PGM1: variants seen among roughly 807,000 people sequenced by gnomAD.
PGM1 encodes the protein phosphoglucomutase 1.
In PGM1, 52 loss-of-function variants were observed where a neutral mutation model predicts 55.6. That is an observed-to-expected ratio of 0.94 (90% CI 0.75 to 1.18). The LOEUF (loss-of-function observed/expected upper bound fraction) is 1.18, where lower values mean the gene tolerates loss of function less well. Among genes scored for constraint, PGM1 ranks in the 50% most tolerant of loss-of-function variants. The probability of loss-of-function intolerance (pLI) is 0.00; values close to 1 mark genes in which losing one functional copy is unlikely to be tolerated. For synonymous variants in PGM1, 287 were observed against 271.7 expected (o/e 1.06, Z -0.55); for missense variants, 724 against 729.3 (o/e 0.99, Z 0.08).
intron 1 of PGM1, among the ~76,000 whole-genome samples, chr1:63,629,142 G>A (rs565591940): frequency 2.0e-5 from 3 of 152,138 alleles, no homozygotes; most frequent in Non-Finnish European, 4.4e-5. Context: ...TTAATATGCT[G>A]TGTTTTCATG....
At chr1:63,638,899 G>T in intron 7 of PGM1, 99 bp downstream of exon 7, 1 of 869,982 alleles carries the variant, frequency 1.1e-6, no homozygotes, top group Non-Finnish European at 2.0e-6. Context: ...AACGGTAGCC[G>T]ATGTGTCCTA....
intron 1 of PGM1, among the ~76,000 whole-genome samples, chr1:63,604,917 CTG>C (rs60618789): frequency 0.2 from 23,258 of 118,576 alleles, 2,151 homozygotes; most frequent in Non-Finnish European, 0.24. Flanking sequence ...TTACATAACT[CTG>C]TGTGTGTGTG....
rs990708775 is a variant in PGM1 at position 63,638,753 on chromosome 1, T to G, written c.1097T>G (p.Met366Arg). The G allele has an allele frequency of 6.2e-7, 1 of 1,614,026 alleles. No individual in the cohort carries two copies. Among genetic ancestry groups the G allele is most frequent in the Admixed American group, 1.7e-5 (1 of 60,002 alleles). The stretch of plus-strand genomic sequence containing the variant: ...GGCTGGAAGTTTTTTGGGAATTTGA[T>G]GGACGCGAGCAAACTGTCCCTTTGT... ...PTGWKFFGNL[M>R]DASKLSLCGE... Residue 366 changes from methionine to arginine, a missense_variant, in exon 7 of 11, where the codon ATG becomes AGG. Transcript: ENST00000371084.
intron 7 of PGM1, 102 bp downstream of exon 7, chr1:63,638,902 G>C: frequency 1.2e-6 from 1 of 864,192 alleles, no homozygotes; most frequent in Admixed American, 1.7e-5. Flanking sequence ...GGTAGCCGAT[G>C]TGTCCTAAAT....
intron 4 of PGM1, among the ~76,000 whole-genome samples, chr1:63,632,919 A>G (rs2269249): frequency 0.28 from 42,798 of 152,062 alleles, 6,171 homozygotes; most frequent in Middle Eastern, 0.38. Context: ...GCTACTCAGG[A>G]GGCTGAGGCA....
intron 1 of PGM1, chr1:63,623,746 G>A (rs777237159): frequency 2.5e-6 from 4 of 1,609,922 alleles, no homozygotes; most frequent in East Asian, 2.2e-5. Flanking sequence ...AGTGCAGATG[G>A]CAGCTGCCAA....
chr1:63,647,014 G>A (rs1040598492), intron 7 of PGM1, among the ~76,000 whole-genome samples: 48 of 151,842 alleles, frequency 3.2e-4, no homozygotes, highest in Non-Finnish European at 3.7e-4. Flanking sequence ...AGGCCGAGGC[G>A]GATGGATCAC....
chr1:63,634,151 A>G (rs1444521608), intron 4 of PGM1, among the ~76,000 whole-genome samples: 1 of 151,258 alleles, frequency 6.6e-6, no homozygotes, highest in African/African-American at 2.4e-5. Context: ...CTGAATCCCA[A>G]TTCCCACTTT....
At chr1:63,642,617 T>C (rs944483629) in intron 7 of PGM1, among the ~76,000 whole-genome samples, 4 of 152,024 alleles carry the variant, frequency 2.6e-5, no homozygotes, top group African/African-American at 7.3e-5. Context: ...CTCAGGAAAA[T>C]AGGGGGCTTG....
At chr1:63,654,194 C>T (rs1373919486) in intron 9 of PGM1, 138 bp from the exon 10 acceptor site, 1 of 853,146 alleles carries the variant, frequency 1.2e-6, no homozygotes, top group African/African-American at 1.7e-5. Flanking sequence ...CAAGGTGCAG[C>T]TGCTGCCATT....
chr1:63,615,550 C>CTTTTTT (rs1161161385), intron 1 of PGM1, among the ~76,000 whole-genome samples: 1,105 of 63,000 alleles, frequency 0.018, 83 homozygotes, highest in East Asian at 0.03. Flanking sequence ...TCTTCTTCTT[C>CTTTTTT]TTTTTTTTTT....
chr1:63,621,663 T>C (rs941903957), intron 1 of PGM1, among the ~76,000 whole-genome samples: 1 of 152,214 alleles, frequency 6.6e-6, no homozygotes, highest in Non-Finnish European at 1.5e-5. Flanking sequence ...TCTAAAGAAT[T>C]TGACTTTTAA....
At chr1:63,642,794 G>A (rs957607818) in intron 7 of PGM1, among the ~76,000 whole-genome samples, 7 of 152,150 alleles carry the variant, frequency 4.6e-5, no homozygotes, top group South Asian at 4.1e-4. Flanking sequence ...AAGAAATACA[G>A]CATTAACACT....
intron 1 of PGM1, among the ~76,000 whole-genome samples, chr1:63,628,213 A>G (rs1044868677): frequency 6.6e-6 from 1 of 152,222 alleles, no homozygotes; most frequent in African/African-American, 2.4e-5. Flanking sequence ...AGGTTCCTGT[A>G]GTCTAAAAAG....
In PGM1 at chr1:63,659,842, C is replaced by A; in HGVS notation, c.*167C>A. Reference sequence around the variant, plus strand: ...TTACAAGGCACTGCCAAACAAGATGCCCTTGGGAGCTGTGAGGGAAAGAGG... The same window carrying A: ...TTACAAGGCACTGCCAAACAAGATGACCTTGGGAGCTGTGAGGGAAAGAGG... On this transcript the variant is annotated 3_prime_UTR_variant, in exon 11 of 11. Transcript: ENST00000371084. 1.5e-6 allele frequency: 1 copy of A among 673,952 alleles called. No homozygotes were observed. The highest frequency in any genetic ancestry group is 2.7e-6 in the Non-Finnish European group (1 of 366,232). 41.7% of individuals were successfully genotyped at this position (673,952 alleles called of 1,614,324 possible).
intron 1 of PGM1, among the ~76,000 whole-genome samples, chr1:63,624,239 C>T (rs1025223091): frequency 1.5e-5 from 1 of 66,232 alleles, no homozygotes; most frequent in Non-Finnish European, 2.9e-5. Context: ...CTGGTAGTCA[C>T]GCAGAAATGC....
chr1:63,635,827 A>G (rs1414597687), intron 5 of PGM1, among the ~76,000 whole-genome samples: 2 of 152,196 alleles, frequency 1.3e-5, no homozygotes, highest in Non-Finnish European at 2.9e-5. Context: ...ACTGTGGTAC[A>G]CAGTTTACCC....
chr1:63,646,111 G>T (rs1263197736), intron 7 of PGM1, among the ~76,000 whole-genome samples: 1 of 152,106 alleles, frequency 6.6e-6, no homozygotes, highest in Non-Finnish European at 1.5e-5. Flanking sequence ...AAAAGATGAA[G>T]AGAGGAAGGA....
At chr1:63,653,462 A>G (rs1176162084) in intron 9 of PGM1, among the ~76,000 whole-genome samples, 2 of 152,220 alleles carry the variant, frequency 1.3e-5, no homozygotes, top group Non-Finnish European at 2.9e-5. Context: ...ATTAAACACC[A>G]GATGGGGATT....
Sources: allele counts gnomAD v4.1 joint callset (sites outside exome capture counted in the v4.1 genomes callset), GRCh38; gene constraint gnomAD v4.1.1; transcripts MANE v1.5; gene names NCBI Gene and HGNC (gene_info 2026-07-23, HGNC 2026-07-21).